The following WWOX variants were observed in gnomAD, a reference collection of about 807,000 sequenced individuals.
WWOX encodes the protein WW domain-containing oxidoreductase.
Under a neutral mutation model 46.2 loss-of-function variants are expected in WWOX, and 69 were observed. The observed-to-expected ratio is 1.49, with a 90% CI of 1.23 to 1.82. The LOEUF is 1.82. Among genes scored for constraint, WWOX ranks in the 40% most tolerant of loss-of-function variants. WWOX has a pLI of 0.00. For synonymous variants in WWOX, 359 were observed against 202.6 expected, an observed-to-expected ratio of 1.77 and a Z score of -6.56; for missense variants, 919 against 542.6, an observed-to-expected ratio of 1.69 and a Z score of -6.89.
At chr16:78,820,342 A>T (rs2051459979) in intron 8 of WWOX, among the ~76,000 whole-genome samples, 1 of 152,196 alleles carries the variant, frequency 6.6e-6, no homozygotes, top group Admixed American at 6.5e-5. Context: ...CAACAGTGGA[A>T]GTGGTGCCCT....
intron 8 of WWOX, among the ~76,000 whole-genome samples, chr16:78,634,163 A>G (rs1290060017): frequency 6.6e-6 from 1 of 152,188 alleles, no homozygotes; most frequent in Non-Finnish European, 1.5e-5. Context: ...AATTTTTAGC[A>G]TTAGAGATTC....
At chr16:78,580,912 A>G (rs112547982) in intron 8 of WWOX, among the ~76,000 whole-genome samples, 6 of 152,360 alleles carry the variant, frequency 3.9e-5, no homozygotes, top group South Asian at 2.1e-4. Flanking sequence ...ATTTCTGGTC[A>G]TAAGTCTAAT....
rs191398892 is a variant in WWOX, at chr16:78,243,836, C to T, written c.516+79547C>T. ...TGCTGAGATCACAGGCGTGAGCCAC[C>T]GCACCTGGCCTATTGTTCCCTTCTT... On this transcript the variant is annotated intron_variant, in intron 5 of 8. Transcript: ENST00000566780. Among the ~76,000 whole-genome samples, 617 of 152,256 alleles carry T rather than the reference C, an allele frequency of 4.1e-3. 2 individuals are homozygous for T. Among genetic ancestry groups the T allele is most frequent in the Non-Finnish European group, 6.1e-3 (413 of 68,004 alleles).
At chr16:78,652,349 C>T (rs2046983828) in intron 8 of WWOX, among the ~76,000 whole-genome samples, 1 of 143,662 alleles carries the variant, frequency 7.0e-6, no homozygotes, top group South Asian at 2.1e-4. Context: ...GTGGAGGTTG[C>T]AGCGAGTCAA....
At chr16:78,737,874 C>T (rs985092284) in intron 8 of WWOX, among the ~76,000 whole-genome samples, 13 of 152,030 alleles carry the variant, frequency 8.6e-5, no homozygotes, top group African/African-American at 2.2e-4. Flanking sequence ...ATTCCCTCAC[C>T]GATCCCTTCC....
At chr16:78,656,031 A>G (rs2047072691) in intron 8 of WWOX, among the ~76,000 whole-genome samples, 1 of 152,188 alleles carries the variant, frequency 6.6e-6, no homozygotes, top group Non-Finnish European at 1.5e-5. Context: ...TGAATACCAA[A>G]GGTCTGTTTT....
intron 8 of WWOX, among the ~76,000 whole-genome samples, chr16:78,765,605 G>A (rs2049908411): frequency 6.6e-6 from 1 of 152,022 alleles, no homozygotes; most frequent in Admixed American, 6.5e-5. Context: ...CTTGAACCCG[G>A]GAGGCAGACG....
intron 5 of WWOX, among the ~76,000 whole-genome samples, chr16:78,292,626 T>TA (rs1567481624): frequency 1.6e-4 from 25 of 152,036 alleles, no homozygotes; most frequent in Admixed American, 1.1e-3. Context: ...TCTTTTTTTT[T>TA]TAAAAAAAAG....
chr16:78,716,876 C>G (rs983123052), intron 8 of WWOX, among the ~76,000 whole-genome samples: 34 of 152,318 alleles, frequency 2.2e-4, no homozygotes, highest in East Asian at 1.2e-3. Flanking sequence ...TTTGCTTTAC[C>G]TGATCTCACT....
chr16:78,301,131 C>T (rs962844975), intron 5 of WWOX, among the ~76,000 whole-genome samples: 3 of 152,102 alleles, frequency 2.0e-5, no homozygotes, highest in South Asian at 4.2e-4. Flanking sequence ...CATTGCTGTA[C>T]GTAATCACAA....
At chr16:78,777,794 C>T (rs552812292) in intron 8 of WWOX, among the ~76,000 whole-genome samples, 1 of 152,054 alleles carries the variant, frequency 6.6e-6, no homozygotes, top group African/African-American at 2.4e-5. Flanking sequence ...CGCCTGTAAT[C>T]CCAGCACTTT....
intron 8 of WWOX, among the ~76,000 whole-genome samples, chr16:78,902,689 C>T (rs1238099534): frequency 2.6e-5 from 4 of 152,330 alleles, no homozygotes; most frequent in Admixed American, 6.5e-5. Flanking sequence ...ACCACAGCAG[C>T]TCAGTATTTC....
intron 8 of WWOX, among the ~76,000 whole-genome samples, chr16:79,132,009 T>A (rs1031957267): frequency 2.9e-4 from 44 of 152,142 alleles, no homozygotes; most frequent in African/African-American, 1.1e-3. Flanking sequence ...CCCCCATGAT[T>A]CAGTTGTCTC....
At chr16:78,782,286 G>C (rs1473664219) in intron 8 of WWOX, among the ~76,000 whole-genome samples, 1 of 152,120 alleles carries the variant, frequency 6.6e-6, no homozygotes, top group Non-Finnish European at 1.5e-5. Flanking sequence ...ACCTTCAGCT[G>C]CACGAGCTTT....
chr16:78,737,747 T>G (rs547395461), intron 8 of WWOX, among the ~76,000 whole-genome samples: 3 of 152,202 alleles, frequency 2.0e-5, no homozygotes, highest in African/African-American at 7.2e-5. Flanking sequence ...CTGAGTCCCA[T>G]TTTTTTCTTC....
chr16:78,594,680 G>A (rs1047831840), intron 8 of WWOX, among the ~76,000 whole-genome samples: 11 of 152,096 alleles, frequency 7.2e-5, no homozygotes, highest in African/African-American at 2.2e-4. Flanking sequence ...GGACCTCAGG[G>A]TTTGTCATGG....
chr16:78,392,222 C>T (rs1018187432), intron 6 of WWOX, among the ~76,000 whole-genome samples: 6 of 151,992 alleles, frequency 3.9e-5, no homozygotes, highest in South Asian at 2.1e-4. Flanking sequence ...TCAGGTCCTC[C>T]CCCTGTCAGA....
rs537642648 is a variant in WWOX, at chr16:78,937,448, CTTTT to C, written c.1057-274137_1057-274134del. On this transcript the variant is annotated intron_variant, in intron 8 of 8. Transcript: ENST00000566780. Reference sequence around the variant, plus strand: ...TTAGAGAACTTTGTATTTGTATTAACTTTTTTTTTTTTTTTTTTTTTTTTTTAAT... The same window carrying C: ...TTAGAGAACTTTGTATTTGTATTAACTTTTTTTTTTTTTTTTTTTTTTAAT... 3.1e-3 allele frequency among the ~76,000 whole-genome samples: 258 copies of C among 81,994 alleles called. 2 individuals are homozygous for C. The highest frequency in any genetic ancestry group is 8.6e-3 in the African/African-American group (165 of 19,124). The allele number at this position is 81,994 out of a possible 152,430, so 53.8% of individuals were successfully genotyped here.
chr16:79,019,354 G>A (rs1003030918), intron 8 of WWOX, among the ~76,000 whole-genome samples: 2 of 151,964 alleles, frequency 1.3e-5, no homozygotes, highest in Non-Finnish European at 2.9e-5. Flanking sequence ...AGGCTGTATG[G>A]TCTAGCCTCT....
Sources: gnomAD v4.1 joint callset for allele counts (sites outside exome capture counted in the v4.1 genomes callset) on GRCh38, gnomAD v4.1.1 for gene constraint, MANE v1.5 for transcripts, NCBI Gene and HGNC (gene_info 2026-07-23, HGNC 2026-07-21) for gene names.